The following WWC1 variants were observed in gnomAD, a reference collection of about 807,000 sequenced individuals.
The protein encoded by WWC1 is WW and C2 domain containing 1, also known as protein KIBRA.
In WWC1, 55 loss-of-function variants were observed where a neutral mutation model predicts 138.4. The ratio of observed to expected loss-of-function variants is 0.40; its 90% confidence interval spans 0.32 to 0.50. The LOEUF is 0.50. Ranked by LOEUF, WWC1 falls within the 20% of genes least tolerant of loss-of-function variation. The pLI is 0.72. For synonymous variants in WWC1, 524 were observed against 564.9 expected, an observed-to-expected ratio of 0.93 and a Z score of 1.03; for missense variants, 1,226 against 1,420.4, an observed-to-expected ratio of 0.86 and a Z score of 2.20.
Position 168,385,327 on chromosome 5 carries a change from G to A in WWC1, c.346G>A (p.Val116Met). The A allele has an allele frequency of 3.1e-6, 5 of 1,614,130 alleles. No individual in the cohort carries two copies. Among genetic ancestry groups the A allele is most frequent in the Non-Finnish European group, 4.2e-6 (5 of 1,180,024 alleles). ...ALSAQKEIYQ[V>M]KQQRLELAQQ... is the part of the protein sequence containing the mutation. ...GAGTGCACAAAAGGAGATCTACCAG[G>A]TGAAGCAGCAGCGCCTGGAGCTTGC... The change falls in exon 3 of 23, where the codon GTG (valine) becomes ATG (methionine). Residue 116 changes from valine to methionine, a missense_variant. Transcript: ENST00000265293.
At chr5:168,322,880 G>A (rs1056084963) in intron 1 of WWC1, among the ~76,000 whole-genome samples, 2 of 151,920 alleles carry the variant, frequency 1.3e-5, no homozygotes, top group Non-Finnish European at 2.9e-5. Context: ...TAAGCTGATC[G>A]GCCAATAAAT....
At chr5:168,370,639 C>T (rs1479470555) in intron 1 of WWC1, among the ~76,000 whole-genome samples, 1 of 152,186 alleles carries the variant, frequency 6.6e-6, no homozygotes, top group African/African-American at 2.4e-5. Context: ...TCCCAGCTTC[C>T]CATACTCTGG....
chr5:168,412,520 A>G (rs965262848), intron 8 of WWC1, among the ~76,000 whole-genome samples: 1 of 152,202 alleles, frequency 6.6e-6, no homozygotes, highest in African/African-American at 2.4e-5. Flanking sequence ...TGTCCTGCAT[A>G]TGGTGGAGCC....
chr5:168,444,546 A>T lies in WWC1; in HGVS notation c.2486A>T (p.Gln829Leu). ...ACAGCAGTGGAGCTGGAGAAGAGGC[A>T]GGAGGGCAGGAGCAGCACACAGACA... is the stretch of plus-strand genomic sequence containing the variant. ...EQTAVELEKR[Q>L]EGRSSTQTLE... is the part of the protein sequence containing the mutation. The change falls in exon 17 of 23, where the codon CAG becomes CTG. Residue 829 changes from glutamine (Q) to leucine (L), a missense_variant. Physicochemically the swap from Gln to Leu is moderately radical, Grantham distance 113 (BLOSUM62 -2). Around this residue, in one of 3 missense-constraint regions of WWC1, gnomAD observed 1,016 missense variants for 1,153.9 expected, o/e 0.88. Coordinates refer to ENST00000265293, the MANE Select transcript of WWC1 (RefSeq NM_015238.3). 6.2e-7 allele frequency: 1 copy of T among 1,609,740 alleles called. No homozygotes were observed. Among genetic ancestry groups the T allele is most frequent in the South Asian group, 1.1e-5 (1 of 89,980 alleles).
At chr5:168,342,056 C>T (rs906650299) in intron 1 of WWC1, among the ~76,000 whole-genome samples, 1 of 152,130 alleles carries the variant, frequency 6.6e-6, no homozygotes, top group Non-Finnish European at 1.5e-5. Context: ...ATGTCCAGAG[C>T]GCTGGTTCCA....
intron 1 of WWC1, among the ~76,000 whole-genome samples, chr5:168,299,121 A>G (rs959309721): frequency 1.3e-5 from 2 of 152,186 alleles, no homozygotes; most frequent in African/African-American, 4.8e-5. Context: ...CAAGATCACC[A>G]ACAGGTGTTG....
At chr5:168,341,979 G>A (rs1048947448) in intron 1 of WWC1, among the ~76,000 whole-genome samples, 22 of 152,262 alleles carry the variant, frequency 1.4e-4, no homozygotes, top group African/African-American at 4.6e-4. Flanking sequence ...AGTGGACTTC[G>A]GTACCCAGAG....
At chr5:168,445,700 TCAAAAAA>T (rs1755190018) in intron 17 of WWC1, among the ~76,000 whole-genome samples, 1 of 62,344 alleles carries the variant, frequency 1.6e-5, no homozygotes. Flanking sequence ...AGACTCTGTC[TCAAAAAA>T]AAAAAAAAAA....
rs780001043 is a variant in WWC1, at chr5:168,464,987, G to A, written c.3150+25G>A. 23 of 1,610,960 alleles carry A rather than the reference G, an allele frequency of 1.4e-5. No individual in the cohort carries two copies. In the Admixed American group the frequency reaches 3.5e-4, roughly 25 times the overall value. The stretch of plus-strand genomic sequence containing the variant: ...GGTGAGTTCTGCCTCGAAGGCAGGG[G>A]AGCCCTGCGCTCTGCCCCAGAGAGT... On this transcript the variant is annotated intron_variant, in intron 21 of 22. Transcript: ENST00000265293.
chr5:168,448,840 C>T (rs762400310), intron 17 of WWC1, among the ~76,000 whole-genome samples: 2 of 151,954 alleles, frequency 1.3e-5, no homozygotes, highest in African/African-American at 4.8e-5. Flanking sequence ...AGGATGGTCT[C>T]GATCTCCTGA....
intron 6 of WWC1, among the ~76,000 whole-genome samples, chr5:168,406,998 C>T (rs568262579): frequency 6.6e-6 from 1 of 151,692 alleles, no homozygotes; most frequent in Non-Finnish European, 1.5e-5. Context: ...CTATGTTGCT[C>T]AGGCTGGTCT....
chr5:168,380,987 G>A (rs13171394), intron 2 of WWC1, among the ~76,000 whole-genome samples: 90,532 of 151,774 alleles, frequency 0.6, 27,647 homozygotes, highest in African/African-American at 0.7. Flanking sequence ...GGAGCGTCCA[G>A]GGGATCATTG....
chr5:168,313,057 C>T (rs1771259816), intron 1 of WWC1, among the ~76,000 whole-genome samples: 1 of 151,956 alleles, frequency 6.6e-6, no homozygotes, highest in Non-Finnish European at 1.5e-5. Flanking sequence ...ATTCACCCGC[C>T]TCGGCCTCAC....
At chr5:168,311,832 G>A (rs1771113961) in intron 1 of WWC1, among the ~76,000 whole-genome samples, 1 of 150,702 alleles carries the variant, frequency 6.6e-6, no homozygotes, top group Non-Finnish European at 1.5e-5. Flanking sequence ...AGCCGAGATT[G>A]TGCCACTGCA....
At chr5:168,467,790 C>CT in intron 21 of WWC1, 50 bp from the exon 22 acceptor site, 1 of 1,612,498 alleles carries the variant, frequency 6.2e-7, no homozygotes, top group South Asian at 1.1e-5. Flanking sequence ...CTCCTTGCCC[C>CT]TTTCTGGAGG....
At chr5:168,346,730 A>G (rs1261762635) in intron 1 of WWC1, among the ~76,000 whole-genome samples, 5 of 152,200 alleles carry the variant, frequency 3.3e-5, no homozygotes, top group Non-Finnish European at 5.9e-5. Flanking sequence ...GTATGCTGTG[A>G]GTGAGATTGT....
chr5:168,414,463 G>C lies in WWC1; in HGVS notation c.1057G>C (p.Glu353Gln), dbSNP rs1295160480. The change falls in exon 9 of 23, where the codon GAG (glutamate) becomes CAG (glutamine). Residue 353 changes from glutamate to glutamine, a missense_variant. Glu to Gln is a conservative substitution (Grantham distance 29). Coordinates refer to ENST00000265293, the MANE Select transcript of WWC1 (RefSeq NM_015238.3). ...LINEKEELLK[E>Q]MRFISPRKWT... is the part of the protein sequence containing the mutation. ...CAACGAGAAGGAGGAGCTGCTGAAG[G>C]AGATGCGCTTCATCAGCCCCCGCAA... 3 of 1,572,602 alleles carry C rather than the reference G, an allele frequency of 1.9e-6. No homozygotes were observed. The highest frequency in any genetic ancestry group is 2.6e-6 in the Non-Finnish European group (3 of 1,158,172).
chr5:168,293,103 T>A (rs1252020494), intron 1 of WWC1, among the ~76,000 whole-genome samples: 4 of 152,188 alleles, frequency 2.6e-5, no homozygotes, highest in African/African-American at 9.7e-5. Context: ...TAGGTTGAGA[T>A]AATGTGCAGA....
chr5:168,388,829 C>CA (rs879533142), intron 3 of WWC1, among the ~76,000 whole-genome samples: 1,437 of 135,628 alleles, frequency 0.011, 16 homozygotes, highest in African/African-American at 0.031. Context: ...GACTCCATCT[C>CA]AAAAAAAAAA....
Sources: allele counts gnomAD v4.1 joint callset (sites outside exome capture counted in the v4.1 genomes callset), GRCh38; gene constraint gnomAD v4.1.1; regional missense constraint gnomAD v4.1.1; transcripts MANE v1.5; gene names NCBI Gene and HGNC (gene_info 2026-07-23, HGNC 2026-07-21).